Variants in EYA2 observed in about 807,000 individuals in gnomAD.
EYA2 encodes EYA transcriptional coactivator and phosphatase 2, also known as protein phosphatase EYA2.
Under a neutral mutation model 69.2 loss-of-function variants are expected in EYA2, and 31 were observed. The observed-to-expected ratio is 0.45, with a 90% CI of 0.34 to 0.60. The LOEUF (loss-of-function observed/expected upper bound fraction) is 0.60, where lower values mean the gene tolerates loss of function less well. Ranked by LOEUF, EYA2 falls within the 20% of genes least tolerant of loss-of-function variation. The pLI, the probability that EYA2 is intolerant of heterozygous loss-of-function variation, is 0.02. For missense variants in EYA2, 622 were observed against 701.2 expected (o/e 0.89, Z 1.28); for synonymous variants, 257 against 279.4 (o/e 0.92, Z 0.80).
Position 47,042,714 on chromosome 20 carries a change from G to A in EYA2, c.415+26417G>A, listed in dbSNP as rs566147760. ...CAGCTTCCCTCTGTCGGTCTACCCT[G>A]CTATACTTGGACTTAGCTTTTTCAT... On this transcript the variant is annotated intron_variant, in intron 5 of 15. Coordinates refer to ENST00000327619, the MANE Select transcript of EYA2 (RefSeq NM_005244.5). Among the ~76,000 whole-genome samples, 10 of 152,262 alleles carry A rather than the reference G, an allele frequency of 6.6e-5. No homozygotes were observed. In the South Asian group the frequency reaches 2.1e-3, roughly 32 times the overall value.
chr20:47,118,069 CAG>C (rs770584718), intron 9 of EYA2, among the ~76,000 whole-genome samples: 1 of 152,232 alleles, frequency 6.6e-6, no homozygotes, highest in Non-Finnish European at 1.5e-5. Context: ...CCAAGGAAAA[CAG>C]AGTCCTTGGA....
At chr20:46,994,538 C>T (rs1025848478) in intron 2 of EYA2, among the ~76,000 whole-genome samples, 1 of 152,214 alleles carries the variant, frequency 6.6e-6, no homozygotes, top group South Asian at 2.1e-4. Flanking sequence ...CTGCCCTGGG[C>T]ATGACAAGAC....
intron 10 of EYA2, among the ~76,000 whole-genome samples, chr20:47,157,598 G>GAGGTT (rs1389957803): frequency 7.2e-5 from 11 of 151,898 alleles, no homozygotes; most frequent in Non-Finnish European, 1.6e-4. Context: ...AAATCCAGGG[G>GAGGTT]AGGTTGTTTC....
intron 1 of EYA2, among the ~76,000 whole-genome samples, chr20:46,976,575 C>T (rs777987205): frequency 1.2e-4 from 18 of 152,214 alleles, no homozygotes; most frequent in Admixed American, 3.9e-4. Flanking sequence ...TTAGTAGAGA[C>T]GGGGTTTCAC....
chr20:47,183,661 G>A (rs545545430), intron 15 of EYA2, among the ~76,000 whole-genome samples: 2 of 152,162 alleles, frequency 1.3e-5, no homozygotes, highest in Non-Finnish European at 1.5e-5. Context: ...GAGACGCTCC[G>A]GCAGGGCAGG....
intron 1 of EYA2, among the ~76,000 whole-genome samples, chr20:46,920,949 T>G (rs1985151752): frequency 6.6e-6 from 1 of 152,244 alleles, no homozygotes; most frequent in South Asian, 2.1e-4. Flanking sequence ...CCTTTCCATT[T>G]TCTTAACCAA....
intron 5 of EYA2, among the ~76,000 whole-genome samples, chr20:47,070,713 G>C (rs1388075266): frequency 1.3e-5 from 2 of 152,204 alleles, no homozygotes; most frequent in Non-Finnish European, 2.9e-5. Context: ...TTCTAAAGAT[G>C]AATGATGGTG....
At chr20:47,041,519 CAT>C (rs1275743414) in intron 5 of EYA2, among the ~76,000 whole-genome samples, 2 of 152,246 alleles carry the variant, frequency 1.3e-5, no homozygotes, top group South Asian at 2.1e-4. Flanking sequence ...TACCAGGACT[CAT>C]AAGCTTGTAG....
intron 5 of EYA2, among the ~76,000 whole-genome samples, chr20:47,044,502 C>A (rs1231129476): frequency 3.9e-5 from 6 of 151,936 alleles, no homozygotes; most frequent in African/African-American, 1.2e-4. Context: ...GAATGAGGAA[C>A]AAAGTAGAGT....
chr20:47,019,586 AAAG>A (rs1983621830), intron 5 of EYA2, among the ~76,000 whole-genome samples: 1 of 152,212 alleles, frequency 6.6e-6, no homozygotes, highest in Non-Finnish European at 1.5e-5. Context: ...AGAAGAAAAT[AAAG>A]AAGATTGAGG....
At chr20:46,977,752 A>G (rs1296572579) in intron 1 of EYA2, among the ~76,000 whole-genome samples, 3 of 152,112 alleles carry the variant, frequency 2.0e-5, no homozygotes, top group African/African-American at 7.2e-5. Context: ...TTATCTGGGG[A>G]GATGATTCCC....
intron 2 of EYA2, among the ~76,000 whole-genome samples, chr20:46,991,938 A>G (rs1475496270): frequency 7.9e-6 from 1 of 127,164 alleles, no homozygotes; most frequent in African/African-American, 2.9e-5. Flanking sequence ...ATTGCACTCC[A>G]GCCTGGGCGA....
chr20:46,917,715 T>A (rs944230297), intron 1 of EYA2, among the ~76,000 whole-genome samples: 1 of 152,218 alleles, frequency 6.6e-6, no homozygotes, highest in Non-Finnish European at 1.5e-5. Context: ...GCAATATTAT[T>A]ATGTCTAAAA....
chr20:47,073,812 C>T (rs2031408503), intron 6 of EYA2, among the ~76,000 whole-genome samples: 1 of 152,114 alleles, frequency 6.6e-6, no homozygotes, highest in South Asian at 2.1e-4. Flanking sequence ...CCTCCACTCC[C>T]TTGACCCGTG....
intron 9 of EYA2, among the ~76,000 whole-genome samples, chr20:47,110,126 C>T (rs1005929214): frequency 2.0e-5 from 3 of 152,202 alleles, no homozygotes; most frequent in African/African-American, 7.2e-5. Context: ...GGCCCAGCTG[C>T]TCCCTTTATA....
intron 5 of EYA2, among the ~76,000 whole-genome samples, chr20:47,057,748 G>A (rs2030702965): frequency 6.6e-6 from 1 of 152,150 alleles, no homozygotes; most frequent in Non-Finnish European, 1.5e-5. Context: ...TGCACTGCCG[G>A]GGCTGGCATG....
chr20:47,058,073 T>C (rs2030718592), intron 5 of EYA2, among the ~76,000 whole-genome samples: 1 of 151,976 alleles, frequency 6.6e-6, no homozygotes, highest in African/African-American at 2.4e-5. Context: ...ACTGAAAGTC[T>C]TCCAAGGGCT....
intron 5 of EYA2, among the ~76,000 whole-genome samples, chr20:47,057,507 A>G (rs1485286721): frequency 8.3e-6 from 1 of 119,762 alleles, no homozygotes; most frequent in Non-Finnish European, 1.7e-5. Flanking sequence ...TACTTTTTAT[A>G]TCACCCCCCC....
intron 2 of EYA2, among the ~76,000 whole-genome samples, chr20:47,001,165 C>T (rs1982343521): frequency 6.6e-6 from 1 of 152,108 alleles, no homozygotes; most frequent in African/African-American, 2.4e-5. Context: ...GGACTCTACT[C>T]TGATGTTTCA....
Sources: gnomAD v4.1 joint callset for allele counts (sites outside exome capture counted in the v4.1 genomes callset) on GRCh38, gnomAD v4.1.1 for gene constraint, MANE v1.5 for transcripts, NCBI Gene and HGNC (gene_info 2026-07-23, HGNC 2026-07-21) for gene names.